Variants in GSE1 observed in about 807,000 individuals in gnomAD.
GSE1 encodes the protein Gse1 coiled-coil protein.
Under a neutral mutation model 112.6 loss-of-function variants are expected in GSE1, and 32 were observed. The ratio of observed to expected loss-of-function variants is 0.28; its 90% confidence interval spans 0.21 to 0.38. The LOEUF (loss-of-function observed/expected upper bound fraction) is 0.38, where lower values mean the gene tolerates loss of function less well. GSE1 is among the 10% of genes least tolerant of loss of function. The pLI, the probability that GSE1 is intolerant of heterozygous loss-of-function variation, is 1.00. For missense variants in GSE1, 2,348 were observed against 1,699.2 expected, an observed-to-expected ratio of 1.38 and a Z score of -6.71; for synonymous variants, 1,115 against 735.6, an observed-to-expected ratio of 1.52 and a Z score of -8.35.
chr16:85,581,170 C>T (rs531794819), intron 1 of GSE1, among the ~76,000 whole-genome samples: 22 of 152,296 alleles, frequency 1.4e-4, no homozygotes, highest in African/African-American at 4.6e-4. Context: ...CTCCTCTCTC[C>T]GCAGCAGCTC....
intron 1 of GSE1, among the ~76,000 whole-genome samples, chr16:85,632,746 A>T (rs1179996533): frequency 6.6e-6 from 1 of 151,982 alleles, no homozygotes; most frequent in Non-Finnish European, 1.5e-5. Context: ...GATCTCTGTG[A>T]CACCAGCCCC....
rs768345771 is a variant in GSE1, at chr16:85,398,115, G to A, written c.2464+40472G>A. 1.5e-3 allele frequency among the ~76,000 whole-genome samples: 222 copies of A among 152,152 alleles called. 4 individuals carry two copies. The highest frequency in any genetic ancestry group is 1.2e-3 in the Admixed American group (19 of 15,290). The stretch of plus-strand genomic sequence containing the variant: ...TCTTGGAGCTAGGTCTCCAAGGTTC[G>A]GACCCCGATGAGTGATGTTGTCTCT... On this transcript the variant is annotated intron_variant, in intron 2 of 2. Coordinates refer to the GSE1 transcript ENST00000637419.
chr16:85,626,772 G>T (rs968328510), intron 1 of GSE1, among the ~76,000 whole-genome samples: 3 of 152,132 alleles, frequency 2.0e-5, no homozygotes, highest in East Asian at 1.9e-4. Flanking sequence ...TACGGGATCC[G>T]CGGGAGGCCG....
chr16:85,643,436 G>T (rs2050606371), intron 2 of GSE1, among the ~76,000 whole-genome samples: 1 of 152,170 alleles, frequency 6.6e-6, no homozygotes, highest in African/African-American at 2.4e-5. Flanking sequence ...GAGTGTCAAT[G>T]GCCTGCCCTG....
chr16:85,413,594 A>C (rs1295480751), intron 2 of GSE1, among the ~76,000 whole-genome samples: 1 of 152,184 alleles, frequency 6.6e-6, no homozygotes, highest in African/African-American at 2.4e-5. Flanking sequence ...GCAAATGGAC[A>C]TAGTTACTTA....
chr16:85,665,522 C>T (rs1256489787), intron 12 of GSE1, among the ~76,000 whole-genome samples: 1 of 152,260 alleles, frequency 6.6e-6, no homozygotes, highest in Admixed American at 6.5e-5. Flanking sequence ...CCCTGGCTCT[C>T]TTCCTGCTCT....
chr16:85,453,123 C>A (rs755596666), intron 2 of GSE1, among the ~76,000 whole-genome samples: 1 of 152,294 alleles, frequency 6.6e-6, no homozygotes, highest in East Asian at 1.9e-4. Context: ...AAAATGGGGG[C>A]AGGGGGTTAG....
At chr16:85,399,886 G>C (rs2151667214) in intron 2 of GSE1, among the ~76,000 whole-genome samples, 1 of 152,350 alleles carries the variant, frequency 6.6e-6, no homozygotes, top group African/African-American at 2.4e-5. Flanking sequence ...TTGCTGAGAA[G>C]TCAAGACTGG....
At chr16:85,170,052 G>A in exon 1 of GSE1, 2 of 984,886 alleles carry the variant, frequency 2.0e-6, no homozygotes, top group Non-Finnish European at 2.4e-6. Flanking sequence ...TGTCGGAGCT[G>A]TCGGACACCG....
At chr16:85,348,096 T>C (rs898291624) in intron 1 of GSE1, among the ~76,000 whole-genome samples, 1 of 151,944 alleles carries the variant, frequency 6.6e-6, no homozygotes, top group African/African-American at 2.4e-5. Flanking sequence ...CTCGAAAAAA[T>C]AAAAAGGCGG....
At chr16:85,429,701 GC>G (rs1423842501) in intron 2 of GSE1, among the ~76,000 whole-genome samples, 1 of 151,924 alleles carries the variant, frequency 6.6e-6, no homozygotes, top group East Asian at 1.9e-4. Flanking sequence ...CTGCCCCAGG[GC>G]CTTTGCCCCC....
At chr16:85,611,614 C>A, upstream of GSE1, 1 of 449,960 alleles carries the variant, frequency 2.2e-6, no homozygotes, top group Non-Finnish European at 2.9e-6. Flanking sequence ...TTGTGCAAGG[C>A]GGGGGGCCGG....
chr16:85,294,670 TC>T (rs1308713202), intron 1 of GSE1, among the ~76,000 whole-genome samples: 34 of 98,750 alleles, frequency 3.4e-4, no homozygotes, highest in African/African-American at 9.9e-4. Context: ...TCTCTCTCTC[TC>T]CCCCCCCTTC....
chr16:85,518,091 C>T (rs1371783273), intron 2 of GSE1, among the ~76,000 whole-genome samples: 3 of 152,200 alleles, frequency 2.0e-5, no homozygotes, highest in African/African-American at 7.2e-5. Context: ...GAACTGGGCA[C>T]AGCCGGCCAG....
At chr16:85,290,635 C>T (rs1207376881) in intron 1 of GSE1, among the ~76,000 whole-genome samples, 1 of 152,132 alleles carries the variant, frequency 6.6e-6, no homozygotes, top group Non-Finnish European at 1.5e-5. Flanking sequence ...AAGGGAGCAC[C>T]TTTTTCCAAC....
chr16:85,453,605 G>A (rs1391673321), intron 2 of GSE1, among the ~76,000 whole-genome samples: 1 of 152,124 alleles, frequency 6.6e-6, no homozygotes, highest in African/African-American at 2.4e-5. Flanking sequence ...GCAGGGCTTG[G>A]TTTGTGCCCC....
chr16:85,444,558 C>G (rs2049460527), intron 2 of GSE1, among the ~76,000 whole-genome samples: 1 of 152,122 alleles, frequency 6.6e-6, no homozygotes, highest in Admixed American at 6.5e-5. Context: ...GGGTTATGGT[C>G]CAGAGGGCAA....
chr16:85,171,269 C>T (rs2074354825), exon 1 of GSE1: 2 of 985,592 alleles, frequency 2.0e-6, no homozygotes, highest in Non-Finnish European at 2.4e-6. Context: ...TCCGAGCTGC[C>T]GGCGTCGGCC....
intron 1 of GSE1, among the ~76,000 whole-genome samples, chr16:85,302,448 G>GCCCCCCC (rs55673103): frequency 6.7e-6 from 1 of 149,584 alleles, no homozygotes; most frequent in Admixed American, 6.6e-5. Context: ...ACAGCACACC[G>GCCCCCCC]CCCCCCCCCG....
Sources: allele counts gnomAD v4.1 joint callset (sites outside exome capture counted in the v4.1 genomes callset), GRCh38; gene constraint gnomAD v4.1.1; transcripts MANE v1.5; gene names NCBI Gene and HGNC (gene_info 2026-07-23, HGNC 2026-07-21).